The following LTBP1 variants were observed in gnomAD, a reference collection of about 807,000 sequenced individuals.
LTBP1 encodes latent-transforming growth factor beta-binding protein 1.
A neutral mutation model predicts 207.6 loss-of-function variants in LTBP1; 129 were observed. The ratio of observed to expected loss-of-function variants is 0.62; its 90% CI spans 0.54 to 0.72. LTBP1 has a LOEUF of 0.72. Ranked by LOEUF, LTBP1 falls within the 30% of genes least tolerant of loss-of-function variation. The probability of loss-of-function intolerance (pLI) is 0.00; values close to 1 mark genes in which losing one functional copy is unlikely to be tolerated. For missense variants in LTBP1, 2,281 were observed against 2,217.2 expected (o/e 1.03, Z -0.58); for synonymous variants, 963 against 833.7 (o/e 1.16, Z -2.67).
intron 5 of LTBP1, among the ~76,000 whole-genome samples, chr2:33,142,316 A>C (rs1033123700): frequency 6.6e-6 from 1 of 151,852 alleles, no homozygotes; most frequent in East Asian, 1.9e-4. Flanking sequence ...CGGCCTCCCA[A>C]AGTGCTTGGA....
At chr2:33,067,015 C>T (rs1279016302) in intron 3 of LTBP1, among the ~76,000 whole-genome samples, 2 of 151,986 alleles carry the variant, frequency 1.3e-5, no homozygotes, top group Non-Finnish European at 2.9e-5. Flanking sequence ...AAAAATAAAA[C>T]AATTTAAAAA....
intron 2 of LTBP1, among the ~76,000 whole-genome samples, chr2:33,012,208 A>G (rs1396105155): frequency 1.4e-5 from 2 of 147,622 alleles, no homozygotes; most frequent in Non-Finnish European, 3.0e-5. Context: ...GTCACTCAGT[A>G]TTTTGTTGAA....
intron 26 of LTBP1, 147 bp downstream of exon 26, chr2:33,347,657 C>T: frequency 1.1e-6 from 1 of 920,052 alleles, no homozygotes; most frequent in East Asian, 2.6e-5. Context: ...CCATGATCTT[C>T]TGTGCCTGCC....
Position 33,170,114 on chromosome 2 carries a change from A to G in LTBP1, c.1202-16742A>G, listed in dbSNP as rs966172064. Among the ~76,000 whole-genome samples, 87 of 152,028 alleles carry G rather than the reference A, an allele frequency of 5.7e-4. 2 individuals are homozygous for G. The highest frequency in any genetic ancestry group is 1.8e-4 in the Non-Finnish European group (12 of 67,994). On this transcript the variant is annotated intron_variant, in intron 5 of 33. Coordinates refer to ENST00000404816, the MANE Select transcript of LTBP1 (RefSeq NM_206943.4). Reference sequence around the variant, plus strand: ...TGATTTCTGCATTTCCATCTGAGGTACCGGGTTCATCTCACTAGGGAGTGC... The same window carrying G: ...TGATTTCTGCATTTCCATCTGAGGTGCCGGGTTCATCTCACTAGGGAGTGC...
intron 3 of LTBP1, among the ~76,000 whole-genome samples, chr2:33,085,041 A>G (rs1323094730): frequency 1.3e-5 from 2 of 152,222 alleles, no homozygotes; most frequent in African/African-American, 4.8e-5. Context: ...TCCAGTGGCA[A>G]GTGCCCTTAG....
At chr2:33,068,990 T>C (rs888805516) in intron 3 of LTBP1, among the ~76,000 whole-genome samples, 4 of 152,218 alleles carry the variant, frequency 2.6e-5, no homozygotes, top group Non-Finnish European at 5.9e-5. Flanking sequence ...ATGAATGTTT[T>C]TGTGCCTCAA....
Position 33,398,431 on chromosome 2 carries a change from C to G in LTBP1, c.5052C>G (p.Thr1684=), listed in dbSNP as rs113896201. The change falls in exon 34 of 34, where the codon ACC becomes ACG. Residue 1684 remains threonine (T), a synonymous_variant. Coordinates refer to ENST00000404816, the MANE Select transcript of LTBP1 (RefSeq NM_206943.4). ...SLCKNAKCIN[T]DGSYKCLCLP... ...GCAAGAATGCCAAGTGCATTAACAC[C>G]GATGGTTCCTACAAGTGTTTGTGTC... 3 of 1,614,140 alleles carry G rather than the reference C, an allele frequency of 1.9e-6. No homozygotes were observed. The Admixed American group carries it at 5.0e-5, about 27-fold the overall frequency.
chr2:33,393,581 G>A (rs903460991), intron 32 of LTBP1, among the ~76,000 whole-genome samples: 1 of 151,900 alleles, frequency 6.6e-6, no homozygotes, highest in African/African-American at 2.4e-5. Flanking sequence ...TGAGAATGAT[G>A]GTTTTCAGCT....
intron 19 of LTBP1, among the ~76,000 whole-genome samples, chr2:33,285,448 T>TC (rs2093646818): frequency 9.0e-6 from 1 of 110,722 alleles, no homozygotes; most frequent in South Asian, 2.8e-4. Flanking sequence ...TTTCTTTCTT[T>TC]TTCTTTTTTT....
At chr2:33,350,015 G>T (rs1328698889) in intron 26 of LTBP1, among the ~76,000 whole-genome samples, 1 of 152,138 alleles carries the variant, frequency 6.6e-6, no homozygotes, top group Non-Finnish European at 1.5e-5. Flanking sequence ...AACACAAGTT[G>T]GTTAAATGTA....
chr2:33,169,056 A>AGTCGG (rs2085192540), intron 5 of LTBP1, among the ~76,000 whole-genome samples: 1 of 152,228 alleles, frequency 6.6e-6, no homozygotes, highest in Non-Finnish European at 1.5e-5. Context: ...AAGGAGTTGT[A>AGTCGG]GTCGGGCCTT....
At chr2:33,250,921 A>G (rs1317818549) in intron 10 of LTBP1, among the ~76,000 whole-genome samples, 1 of 152,128 alleles carries the variant, frequency 6.6e-6, no homozygotes, top group African/African-American at 2.4e-5. Context: ...TGAGAAGCAG[A>G]GGGTTGTCTC....
intron 4 of LTBP1, among the ~76,000 whole-genome samples, chr2:33,120,677 A>G (rs984050878): frequency 6.6e-6 from 1 of 152,198 alleles, no homozygotes; most frequent in Admixed American, 6.5e-5. Context: ...TCTTTAAGGT[A>G]GAACGATTTA....
At chr2:33,176,615 G>C (rs1463861318) in intron 5 of LTBP1, among the ~76,000 whole-genome samples, 3 of 152,110 alleles carry the variant, frequency 2.0e-5, no homozygotes, top group Admixed American at 6.5e-5. Context: ...GATATACTCA[G>C]AAATTCAACA....
Position 33,365,395 on chromosome 2 carries a change from G to A in LTBP1, c.4603G>A (p.Val1535Met), listed in dbSNP as rs145932690. The change falls in exon 31 of 34, where the codon GTG becomes ATG. Residue 1535 changes from valine (V) to methionine (M), a missense_variant. By Grantham distance (21) the Val-to-Met change is conservative (BLOSUM62 1). Around this residue, in one of 3 missense-constraint regions of LTBP1, gnomAD observed 1,671 missense variants for 1,634.8 expected, o/e 1.02. Transcript: ENST00000404816. Reference protein sequence around the residue: ...LCWEHLSDEYVCSRPLVGKQT... With the variant: ...LCWEHLSDEYMCSRPLVGKQT... Reference sequence around the variant, plus strand: ...CTGGGAACATCTGAGTGATGAATACGTGTGTAGCCGGCCTCTTGTGGGCAA... The same window carrying A: ...CTGGGAACATCTGAGTGATGAATACATGTGTAGCCGGCCTCTTGTGGGCAA... 2.3e-5 allele frequency: 37 copies of A among 1,614,156 alleles called. No homozygotes were observed. The African/African-American group carries it at 2.4e-4, about 10-fold the overall frequency.
Position 33,185,898 on chromosome 2 carries a change from C to A in LTBP1, c.1202-958C>A, listed in dbSNP as rs1394485460. ...GCTGGAAGGAAATGGAGCTGAGGGGCTTTTATTATAATATTCTTCAAGCTG... is the reference window on the plus strand; with the variant it reads ...GCTGGAAGGAAATGGAGCTGAGGGGATTTTATTATAATATTCTTCAAGCTG... On this transcript the variant is annotated intron_variant, in intron 5 of 33. Coordinates refer to ENST00000404816, the MANE Select transcript of LTBP1 (RefSeq NM_206943.4). Among the ~76,000 whole-genome samples, 5 of 152,166 alleles carry A rather than the reference C, an allele frequency of 3.3e-5. No individual in the cohort carries two copies. In the East Asian group the frequency reaches 9.7e-4, roughly 29 times the overall value.
chr2:33,254,069 A>AT (rs2092759753), intron 11 of LTBP1, among the ~76,000 whole-genome samples: 1 of 151,140 alleles, frequency 6.6e-6, no homozygotes, highest in African/African-American at 2.4e-5. Context: ...TTCTTTTTGT[A>AT]TTTTTAGTAG....
chr2:33,114,325 A>G (rs906542935), intron 4 of LTBP1, among the ~76,000 whole-genome samples: 21 of 152,238 alleles, frequency 1.4e-4, no homozygotes, highest in African/African-American at 4.6e-4. Context: ...TTATATAGCT[A>G]TTTAACATGT....
chr2:33,118,801 A>G (rs907441695), intron 4 of LTBP1, among the ~76,000 whole-genome samples: 2 of 152,188 alleles, frequency 1.3e-5, no homozygotes, highest in South Asian at 4.1e-4. Flanking sequence ...AGGATGGTAT[A>G]TCTGAGAGCT....
Sources: allele counts gnomAD v4.1 joint callset (sites outside exome capture counted in the v4.1 genomes callset), GRCh38; gene constraint gnomAD v4.1.1; regional missense constraint gnomAD v4.1.1; transcripts MANE v1.5; gene names NCBI Gene and HGNC (gene_info 2026-07-23, HGNC 2026-07-21).